Variants in GALNT13 observed in about 807,000 individuals in gnomAD.
The protein encoded by GALNT13 is UDP-GalNAc:polypeptide N-acetylgalactosaminyltransferase 13.
Under a neutral mutation model 64.2 loss-of-function variants are expected in GALNT13, and 28 were observed. That is an observed-to-expected ratio of 0.44 (90% CI 0.32 to 0.60). The LOEUF is 0.60. Ranked by LOEUF, GALNT13 falls within the 20% of genes least tolerant of loss-of-function variation. The pLI is 0.05. For missense variants in GALNT13, 577 were observed against 669.8 expected (o/e 0.86, Z 1.53); for synonymous variants, 214 against 224.6 (o/e 0.95, Z 0.42).
the GALNT13 span, among the ~76,000 whole-genome samples, chr2:153,152,406 ACTTT>A: frequency 7.2e-3 from 1,091 of 151,470 alleles, 5 homozygotes; most frequent in Non-Finnish European, 0.011. Context: ...TATTCCACAC[ACTTT>A]CTTTTTTTTT....
At chr2:154,340,229 C>T (rs1346442819) in intron 9 of GALNT13, among the ~76,000 whole-genome samples, 2 of 151,992 alleles carry the variant, frequency 1.3e-5, no homozygotes, top group African/African-American at 4.8e-5. Flanking sequence ...CTTCCTTAAT[C>T]CTCTTTTCTC....
chr2:153,904,690 C>A (rs1398044550), intron 2 of GALNT13, among the ~76,000 whole-genome samples: 1 of 151,776 alleles, frequency 6.6e-6, no homozygotes, highest in African/African-American at 2.4e-5. Context: ...AGATTAAGAG[C>A]CTCCCATCAG....
intron 3 of GALNT13, among the ~76,000 whole-genome samples, chr2:154,020,235 A>G (rs529852439): frequency 9.4e-4 from 143 of 152,302 alleles, no homozygotes; most frequent in African/African-American, 3.2e-3. Flanking sequence ...TGGCTGGGTC[A>G]AATGGTATTT....
At chr2:154,424,698 G>T (rs1700398041) in intron 11 of GALNT13, among the ~76,000 whole-genome samples, 1 of 152,214 alleles carries the variant, frequency 6.6e-6, no homozygotes. Flanking sequence ...GGTTGCCAGG[G>T]ATCCCCAACA....
the GALNT13 span, among the ~76,000 whole-genome samples, chr2:153,384,207 T>C: frequency 6.6e-6 from 1 of 152,084 alleles, no homozygotes; most frequent in African/African-American, 2.4e-5. Flanking sequence ...AGTTGGTTAT[T>C]GTGGAACTGA....
the GALNT13 span, among the ~76,000 whole-genome samples, chr2:153,398,257 A>AT: frequency 2.0e-5 from 3 of 152,060 alleles, no homozygotes; most frequent in East Asian, 1.9e-4. Context: ...TAAACTCATC[A>AT]TTTTTTGTGG....
intron 11 of GALNT13, among the ~76,000 whole-genome samples, chr2:154,433,835 G>C (rs149006526): frequency 6.3e-4 from 96 of 152,190 alleles, no homozygotes; most frequent in African/African-American, 2.0e-3. Flanking sequence ...CATTGTAAAG[G>C]GTTAGTGGTG....
chr2:153,256,286 C>T, the GALNT13 span, among the ~76,000 whole-genome samples: 9 of 152,106 alleles, frequency 5.9e-5, no homozygotes, highest in Non-Finnish European at 8.8e-5. Flanking sequence ...GCATTCTTCA[C>T]GTAGTTCTCG....
At chr2:153,901,955 G>A (rs1688264479) in intron 2 of GALNT13, among the ~76,000 whole-genome samples, 1 of 152,224 alleles carries the variant, frequency 6.6e-6, no homozygotes, top group East Asian at 1.9e-4. Context: ...TTGCAATGAA[G>A]GGTTGAGCTT....
At chr2:153,254,889 G>A in the GALNT13 span, among the ~76,000 whole-genome samples, 2 of 152,060 alleles carry the variant, frequency 1.3e-5, no homozygotes, top group African/African-American at 2.4e-5. Flanking sequence ...TTACTTCCAA[G>A]TATGCGGTCA....
At chr2:153,201,182 T>C in the GALNT13 span, among the ~76,000 whole-genome samples, 2 of 152,292 alleles carry the variant, frequency 1.3e-5, no homozygotes, top group African/African-American at 4.8e-5. Flanking sequence ...GGGAATAATA[T>C]TGTTCTCAGC....
intron 3 of GALNT13, among the ~76,000 whole-genome samples, chr2:153,954,164 G>T (rs1692402500): frequency 6.6e-6 from 1 of 152,102 alleles, no homozygotes; most frequent in Admixed American, 6.6e-5. Context: ...AAGAATTAAA[G>T]CAATAAATTA....
the GALNT13 span, among the ~76,000 whole-genome samples, chr2:153,841,756 A>C: frequency 2.6e-5 from 4 of 152,194 alleles, no homozygotes; most frequent in Non-Finnish European, 4.4e-5. Context: ...CTCAAGTTTA[A>C]TGTATAACTT....
At chr2:153,745,033 A>G in the GALNT13 span, among the ~76,000 whole-genome samples, 2 of 152,268 alleles carry the variant, frequency 1.3e-5, no homozygotes, top group Non-Finnish European at 2.9e-5. Flanking sequence ...TCAGAGAAAC[A>G]TAGGCTATCA....
Position 154,301,548 on chromosome 2 carries a change from G to C in GALNT13, c.1115G>C (p.Trp372Ser). ...AACAACAGGAGACTGGCAGAAGTTT[G>C]GATGGATGAATTTAAAGATTTCTTC... ...NKNNRRLAEV[W>S]MDEFKDFFYI... is the part of the protein sequence containing the mutation. Residue 372 changes from tryptophan (W) to serine (S), a missense_variant, in exon 9 of 13, where the codon TGG (tryptophan) becomes TCG (serine). Around this residue, in one of 3 missense-constraint regions of GALNT13, gnomAD observed 232 missense variants for 270.6 expected, o/e 0.86. Transcript: ENST00000392825. 6.2e-7 allele frequency: 1 copy of C among 1,612,688 alleles called. No homozygotes were observed. Among genetic ancestry groups the C allele is most frequent in the Non-Finnish European group, 8.5e-7 (1 of 1,179,008 alleles).
chr2:153,967,033 C>G (rs1261289493), intron 3 of GALNT13, among the ~76,000 whole-genome samples: 1 of 151,918 alleles, frequency 6.6e-6, no homozygotes, highest in Non-Finnish European at 1.5e-5. Flanking sequence ...TTTTTCAGTT[C>G]GTCACTTGAA....
intron 1 of GALNT13, among the ~76,000 whole-genome samples, chr2:153,890,636 C>G (rs1398636832): frequency 6.6e-6 from 1 of 151,966 alleles, no homozygotes; most frequent in African/African-American, 2.4e-5. Context: ...GCTAAATGCC[C>G]TTGTTAGAAT....
chr2:153,569,778 G>C, the GALNT13 span, among the ~76,000 whole-genome samples: 79 of 151,978 alleles, frequency 5.2e-4, no homozygotes, highest in African/African-American at 1.9e-3. Context: ...CAAATAGTAG[G>C]TCTTATTCAT....
chr2:154,103,987 G>T (rs745593298), intron 3 of GALNT13, among the ~76,000 whole-genome samples: 6 of 152,128 alleles, frequency 3.9e-5, no homozygotes, highest in Admixed American at 6.6e-5. Flanking sequence ...ATGAGTGAAA[G>T]CACCCTCCCT....
Sources: allele counts gnomAD v4.1 joint callset (sites outside exome capture counted in the v4.1 genomes callset), GRCh38; gene constraint gnomAD v4.1.1; regional missense constraint gnomAD v4.1.1; transcripts MANE v1.5; gene names NCBI Gene and HGNC (gene_info 2026-07-23, HGNC 2026-07-21).